The following MYT1L variants were observed in gnomAD, a reference collection of about 807,000 sequenced individuals.
MYT1L encodes the protein myelin transcription factor 1-like protein.
In MYT1L, 12 loss-of-function variants were observed where a neutral mutation model predicts 126.7. The observed-to-expected ratio is 0.09, with a 90% CI of 0.06 to 0.15. The LOEUF (loss-of-function observed/expected upper bound fraction) is 0.15. MYT1L is among the 10% of genes least tolerant of loss of function. The pLI, the probability that MYT1L is intolerant of heterozygous loss-of-function variation, is 1.00. For missense variants in MYT1L, 979 were observed against 1,585.2 expected, an observed-to-expected ratio of 0.62 and a Z score of 6.49; for synonymous variants, 541 against 604.2, an observed-to-expected ratio of 0.90 and a Z score of 1.53.
In MYT1L at chr2:2,009,927, G is replaced by T. The variant is rs751302074; in HGVS notation, c.-157-12580C>A. 2.2e-3 allele frequency among the ~76,000 whole-genome samples: 325 copies of T among 147,094 alleles called. 2 individuals carry two copies. Among genetic ancestry groups the T allele is most frequent in the Non-Finnish European group, 4.2e-3 (277 of 66,546 alleles). On this transcript the variant is annotated intron_variant, in intron 4 of 24. Coordinates refer to ENST00000647738, the MANE Select transcript of MYT1L (RefSeq NM_001303052.2). ...TTTTTTTTTTTTTTTTTCATGAAAG[G>T]GTGTTGAACTTTGTGAAAAGCTTTT...
At chr2:2,127,161 G>C (rs2081820908) in intron 3 of MYT1L, among the ~76,000 whole-genome samples, 1 of 152,312 alleles carries the variant, frequency 6.6e-6, no homozygotes, top group Non-Finnish European at 1.5e-5. Flanking sequence ...CATGGGGTTT[G>C]TTGTACAAAT....
intron 2 of MYT1L, among the ~76,000 whole-genome samples, chr2:2,206,241 G>A (rs1196554198): frequency 6.6e-6 from 1 of 152,140 alleles, no homozygotes; most frequent in Non-Finnish European, 1.5e-5. Flanking sequence ...GCCTCCCAAA[G>A]TGCTGGGATT....
intron 3 of MYT1L, among the ~76,000 whole-genome samples, chr2:2,088,421 T>G (rs777920837): frequency 6.6e-6 from 1 of 152,104 alleles, no homozygotes; most frequent in Non-Finnish European, 1.5e-5. Context: ...GTCCTGGTGG[T>G]GAGGCCTGTG....
At chr2:2,330,543 C>T (rs908342889) in intron 1 of MYT1L, among the ~76,000 whole-genome samples, 2 of 152,102 alleles carry the variant, frequency 1.3e-5, no homozygotes, top group African/African-American at 2.4e-5. Flanking sequence ...TATAAATCAA[C>T]TTTCTTCTTA....
chr2:2,289,992 C>T (rs1389751942), intron 1 of MYT1L, among the ~76,000 whole-genome samples: 2 of 152,278 alleles, frequency 1.3e-5, no homozygotes, highest in Non-Finnish European at 2.9e-5. Flanking sequence ...TGGGGAAGAC[C>T]TCCCCATAGC....
chr2:2,115,457 CA>C (rs1242089383), intron 3 of MYT1L, among the ~76,000 whole-genome samples: 21 of 152,204 alleles, frequency 1.4e-4, no homozygotes, highest in African/African-American at 4.8e-4. Context: ...CAGTGACAGG[CA>C]TAGGAAGGTT....
chr2:2,054,305 T>C (rs956651334), intron 3 of MYT1L, among the ~76,000 whole-genome samples, 182 bp from the exon 4 acceptor site: 3 of 151,782 alleles, frequency 2.0e-5, no homozygotes, highest in African/African-American at 7.3e-5. Context: ...ATGGGGATGA[T>C]GACACAAATG....
chr2:1,891,010 A>G (rs567744158), intron 15 of MYT1L, among the ~76,000 whole-genome samples: 1 of 151,180 alleles, frequency 6.6e-6, no homozygotes, highest in Non-Finnish European at 1.5e-5. Context: ...CTTTTATTTT[A>G]TTTTTTTTGT....
intron 18 of MYT1L, among the ~76,000 whole-genome samples, chr2:1,878,568 T>C (rs765159096): frequency 6.6e-6 from 1 of 152,168 alleles, no homozygotes; most frequent in Non-Finnish European, 1.5e-5. Context: ...GCTTGGTGTA[T>C]GTGGGCATTT....
rs980298930 is a variant in MYT1L, at chr2:1,827,004, A to AG, written c.3080+12144_3080+12145insC. ...CGAGGATCTCACTTTAGCAATCCCC[A>AG]CCCCTGCTGGTGCCCCAGACCCCTC... On this transcript the variant is annotated intron_variant, in intron 21 of 24. Coordinates refer to ENST00000647738, the MANE Select transcript of MYT1L (RefSeq NM_001303052.2). 11 of 151,890 alleles carry AG rather than the reference A, an allele frequency of 7.2e-5. No homozygotes were observed. In the East Asian group the frequency reaches 1.2e-3, roughly 16 times the overall value. 9.4% of individuals were successfully genotyped at this position (151,890 alleles called of 1,614,324 possible).
Position 1,819,000 on chromosome 2 carries a change from G to C in MYT1L, c.3081-9833C>G, listed in dbSNP as rs71440696. Among the ~76,000 whole-genome samples the C allele has an allele frequency of 2.7e-3, 416 of 152,180 alleles. 1 individual carries two copies. Among genetic ancestry groups the C allele is most frequent in the Non-Finnish European group, 3.1e-3 (212 of 67,986 alleles). On this transcript the variant is annotated intron_variant, in intron 21 of 24. Coordinates refer to ENST00000647738, the MANE Select transcript of MYT1L (RefSeq NM_001303052.2). ...CGTGTGACCACCCAGATGGCCCCCA[G>C]CTCCCAGCTCCCAGACCAGGTCCCT...
At chr2:2,227,612 A>G (rs2094045108) in intron 2 of MYT1L, among the ~76,000 whole-genome samples, 1 of 152,154 alleles carries the variant, frequency 6.6e-6, no homozygotes, top group Non-Finnish European at 1.5e-5. Flanking sequence ...TGACCGCACT[A>G]TCTGTTAAGA....
intron 2 of MYT1L, among the ~76,000 whole-genome samples, chr2:2,247,215 G>GA (rs2094551480): frequency 6.6e-6 from 1 of 151,958 alleles, no homozygotes; most frequent in Admixed American, 6.6e-5. Context: ...CAATGGAAAT[G>GA]AAAAAAGCAG....
chr2:2,083,540 T>C (rs2076052739), intron 3 of MYT1L, among the ~76,000 whole-genome samples: 2 of 152,242 alleles, frequency 1.3e-5, no homozygotes, highest in African/African-American at 4.8e-5. Context: ...CCACTGCCAC[T>C]GCAAGCCACC....
chr2:2,085,760 G>A (rs770825498), intron 3 of MYT1L, among the ~76,000 whole-genome samples: 1 of 152,196 alleles, frequency 6.6e-6, no homozygotes, highest in South Asian at 2.1e-4. Flanking sequence ...AGCCCAGATC[G>A]TAAGATGCTG....
chr2:1,863,839 A>C (rs2045071463), intron 18 of MYT1L, among the ~76,000 whole-genome samples: 1 of 152,242 alleles, frequency 6.6e-6, no homozygotes, highest in Non-Finnish European at 1.5e-5. Flanking sequence ...AGATGTTATA[A>C]GGCAGAAAGA....
intron 3 of MYT1L, among the ~76,000 whole-genome samples, chr2:2,112,729 T>A (rs879617339): frequency 1.3e-5 from 2 of 152,158 alleles, no homozygotes; most frequent in Non-Finnish European, 2.9e-5. Flanking sequence ...AGGAGCACTC[T>A]CAGAACTAAG....
intron 18 of MYT1L, chr2:1,883,932 A>G (rs1455471306): frequency 6.6e-6 from 1 of 152,186 alleles, no homozygotes; most frequent in African/African-American, 2.4e-5. Flanking sequence ...TATTATACAT[A>G]ATTAGACAAT....
intron 8 of MYT1L, among the ~76,000 whole-genome samples, chr2:1,978,407 A>C (rs2060342503): frequency 6.6e-6 from 1 of 152,216 alleles, no homozygotes; most frequent in Admixed American, 6.5e-5. Context: ...CTATTGAAAG[A>C]CACATCTTCA....
Sources: gnomAD v4.1 joint callset for allele counts (sites outside exome capture counted in the v4.1 genomes callset) on GRCh38, gnomAD v4.1.1 for gene constraint, MANE v1.5 for transcripts, NCBI Gene and HGNC (gene_info 2026-07-23, HGNC 2026-07-21) for gene names.